MACROD2: variants seen among roughly 807,000 people sequenced by gnomAD.
MACROD2 encodes the protein ADP-ribose glycohydrolase MACROD2.
Under a neutral mutation model 70.4 loss-of-function variants are expected in MACROD2, and 36 were observed. The ratio of observed to expected loss-of-function variants is 0.51; its 90% CI spans 0.39 to 0.68. The LOEUF (loss-of-function observed/expected upper bound fraction) is 0.68. MACROD2 is among the 30% of genes least tolerant of loss of function. MACROD2 has a pLI of 0.00. For synonymous variants in MACROD2, 172 were observed against 178.8 expected (o/e 0.96, Z 0.30); for missense variants, 496 against 538.4 (o/e 0.92, Z 0.78).
chr20:14,463,427 G>A (rs1208157020), intron 3 of MACROD2, among the ~76,000 whole-genome samples: 2 of 152,014 alleles, frequency 1.3e-5, no homozygotes, highest in South Asian at 4.1e-4. Context: ...AGCTTAAGGA[G>A]ATTTTGGGCT....
In MACROD2 at chr20:15,069,692, C is replaced by T. The variant is rs539198955; in HGVS notation, c.419-160248C>T. Among the ~76,000 whole-genome samples, 102 of 152,318 alleles carry T rather than the reference C, an allele frequency of 6.7e-4. 1 individual carries two copies. Among genetic ancestry groups the T allele is most frequent in the African/African-American group, 2.0e-3 (85 of 41,580 alleles). ...CACAAGCCATAAGCCTTGGTGAGTTCCATGTGTTGCGAAGTCTGCAAGCAT... is the reference window on the plus strand; with the variant it reads ...CACAAGCCATAAGCCTTGGTGAGTTTCATGTGTTGCGAAGTCTGCAAGCAT... On this transcript the variant is annotated intron_variant, in intron 5 of 17. Coordinates refer to ENST00000684519, the MANE Select transcript of MACROD2 (RefSeq NM_001351661.2).
chr20:14,295,032 A>G (rs1181656178), intron 3 of MACROD2, among the ~76,000 whole-genome samples: 1 of 151,702 alleles, frequency 6.6e-6, no homozygotes, highest in Non-Finnish European at 1.5e-5. Flanking sequence ...TTCATGGCCA[A>G]TGTATATACC....
chr20:15,094,175 C>T (rs2075812254), intron 5 of MACROD2, among the ~76,000 whole-genome samples: 1 of 152,156 alleles, frequency 6.6e-6, no homozygotes. Context: ...TATATGTTGG[C>T]TTTGATTCCT....
intron 5 of MACROD2, among the ~76,000 whole-genome samples, chr20:14,972,365 C>T (rs541783312): frequency 6.6e-6 from 1 of 152,268 alleles, no homozygotes; most frequent in South Asian, 2.1e-4. Context: ...TTATACCCTC[C>T]CTTCCTCTTT....
At chr20:14,570,808 T>G (rs1194370649) in intron 4 of MACROD2, among the ~76,000 whole-genome samples, 1 of 152,052 alleles carries the variant, frequency 6.6e-6, no homozygotes, top group African/African-American at 2.4e-5. Context: ...GGAATCTTTA[T>G]TTTAAAAACA....
intron 5 of MACROD2, among the ~76,000 whole-genome samples, chr20:14,875,083 T>C (rs191864045): frequency 1.1e-3 from 163 of 152,104 alleles, no homozygotes; most frequent in African/African-American, 3.9e-3. Flanking sequence ...ATGGTTTCAA[T>C]TTAGAAAAGA....
chr20:14,760,675 A>G (rs770787600), intron 5 of MACROD2, among the ~76,000 whole-genome samples: 1 of 151,972 alleles, frequency 6.6e-6, no homozygotes, highest in African/African-American at 2.4e-5. Flanking sequence ...CTTCCTTCAC[A>G]TTATTCTGAG....
intron 3 of MACROD2, among the ~76,000 whole-genome samples, chr20:14,428,655 T>G (rs181092057): frequency 1.3e-5 from 2 of 152,270 alleles, no homozygotes; most frequent in Non-Finnish European, 2.9e-5. Context: ...AGCAGTGTTA[T>G]CTTTGAAATT....
intron 5 of MACROD2, among the ~76,000 whole-genome samples, chr20:15,051,112 C>G (rs913001464): frequency 6.9e-6 from 1 of 145,862 alleles, no homozygotes; most frequent in Non-Finnish European, 1.5e-5. Flanking sequence ...AGAGAACCCA[C>G]TTTTCTGTCT....
intron 4 of MACROD2, among the ~76,000 whole-genome samples, chr20:14,495,883 A>C (rs6074744): frequency 1.3e-5 from 2 of 152,206 alleles, no homozygotes; most frequent in Non-Finnish European, 1.5e-5. Context: ...CATCATCATA[A>C]AGATAAATTA....
chr20:16,044,295 A>G (rs2067348309), intron 16 of MACROD2, among the ~76,000 whole-genome samples: 1 of 152,064 alleles, frequency 6.6e-6, no homozygotes, highest in Non-Finnish European at 1.5e-5. Flanking sequence ...CATGAAGGAT[A>G]CATCCCTGCA....
intron 5 of MACROD2, among the ~76,000 whole-genome samples, chr20:15,063,170 A>G (rs2075546383): frequency 6.6e-6 from 1 of 152,220 alleles, no homozygotes; most frequent in Admixed American, 6.5e-5. Flanking sequence ...GCCATGAACC[A>G]TGATACGCTG....
At chr20:15,511,883 ACC>A (rs1216589188) in intron 8 of MACROD2, among the ~76,000 whole-genome samples, 2 of 152,226 alleles carry the variant, frequency 1.3e-5, no homozygotes, top group Non-Finnish European at 2.9e-5. Context: ...ACTGGGGCAT[ACC>A]CTAAATCTAC....
chr20:14,468,682 T>C (rs1038153055), intron 3 of MACROD2, among the ~76,000 whole-genome samples: 5 of 151,938 alleles, frequency 3.3e-5, no homozygotes, highest in Non-Finnish European at 7.4e-5. Context: ...TGGCTAACTG[T>C]CGTATTTTTA....
chr20:14,978,377 C>T (rs545873308), intron 5 of MACROD2, among the ~76,000 whole-genome samples: 4 of 4,318 alleles, frequency 9.3e-4, no homozygotes, highest in African/African-American at 1.9e-3. Flanking sequence ...CGCGCCCCGC[C>T]CCCCCCACTT....
At chr20:14,344,013 A>T (rs73901235) in intron 3 of MACROD2, among the ~76,000 whole-genome samples, 10,788 of 151,662 alleles carry the variant, frequency 0.071, 618 homozygotes, top group African/African-American at 0.16. Context: ...AAATTGTCAG[A>T]TTTTTTTTTC....
At chr20:15,243,304 A>G (rs2077076251) in intron 6 of MACROD2, among the ~76,000 whole-genome samples, 1 of 152,152 alleles carries the variant, frequency 6.6e-6, no homozygotes, top group Non-Finnish European at 1.5e-5. Flanking sequence ...ACAGTTATGT[A>G]TTCTCTCTTG....
chr20:15,341,917 G>A (rs557103471), intron 6 of MACROD2, among the ~76,000 whole-genome samples: 1 of 152,150 alleles, frequency 6.6e-6, no homozygotes, highest in South Asian at 2.1e-4. Context: ...AGCTAGGTGC[G>A]GTGGTGTGCA....
intron 6 of MACROD2, among the ~76,000 whole-genome samples, chr20:15,398,873 G>A (rs189488632): frequency 6.6e-6 from 1 of 152,290 alleles, no homozygotes; most frequent in Non-Finnish European, 1.5e-5. Context: ...AGGTTGTGCA[G>A]TGGTGTAATC....
Sources: gnomAD v4.1 joint callset for allele counts (sites outside exome capture counted in the v4.1 genomes callset) on GRCh38, gnomAD v4.1.1 for gene constraint, MANE v1.5 for transcripts, NCBI Gene and HGNC (gene_info 2026-07-23, HGNC 2026-07-21) for gene names.